KLK10: variants seen among roughly 807,000 people sequenced by gnomAD.
KLK10 encodes the protein kallikrein-10.
Under a neutral mutation model 25.7 loss-of-function variants are expected in KLK10, and 27 were observed. The ratio of observed to expected loss-of-function variants is 1.05; its 90% confidence interval spans 0.77 to 1.45. The LOEUF is 1.45. Ranked by LOEUF, KLK10 falls within the 40% of genes most tolerant of loss-of-function variation. KLK10 has a pLI of 0.00. For synonymous variants in KLK10, 173 were observed against 160.1 expected (o/e 1.08, Z -0.61); for missense variants, 386 against 370.0 (o/e 1.04, Z -0.35).
chr19:51,019,213 C>T lies in KLK10; in HGVS notation c.-9-74G>A. 1 of 1,097,630 alleles carries T rather than the reference C, an allele frequency of 9.1e-7. No homozygotes were observed. Among genetic ancestry groups the T allele is most frequent in the Non-Finnish European group, 1.3e-6 (1 of 770,736 alleles). 68.0% of individuals were successfully genotyped at this position (1,097,630 alleles called of 1,614,324 possible). On this transcript the variant is annotated intron_variant, in intron 1 of 5. Coordinates refer to ENST00000358789, the MANE Select transcript of KLK10 (RefSeq NM_145888.3). This position sits in a 1 kb window ranked among gnomAD's most constrained non-coding sequence, Gnocchi z 4.2. ...ACCCCCACCTCGCCGCGCTCATCCG[C>T]CCAGCCTGGGCCACCCCAGCCCGCA...
chr19:51,015,820 C>G (rs1381332813), intron 4 of KLK10, 62 bp downstream of exon 4: 2 of 1,421,272 alleles, frequency 1.4e-6, no homozygotes, highest in African/African-American at 2.9e-5. Context: ...TCCTCAGACC[C>G]AGGGGTTCAG....
intron 3 of KLK10, 40 bp from the exon 4 acceptor site, chr19:51,016,196 A>C: frequency 6.7e-7 from 1 of 1,499,990 alleles, no homozygotes. Flanking sequence ...AACCCTTCAT[A>C]GGGACTGGGA....
intron 5 of KLK10, 39 bp downstream of exon 5, chr19:51,015,378 C>G: frequency 6.3e-7 from 1 of 1,598,922 alleles, no homozygotes; most frequent in Admixed American, 1.7e-5. Flanking sequence ...CCCTGTCCTC[C>G]CTCCCAGGAG....
rs1453745737 is a variant in KLK10 at position 51,018,205 on chromosome 19, GAGAAAGAAAAAAACA to G, written c.88+823_88+837del. Among the ~76,000 whole-genome samples the G allele has an allele frequency of 1.1e-4, 8 of 70,056 alleles. No individual in the cohort carries two copies. The East Asian group carries it at 2.4e-3, about 21-fold the overall frequency. 46.0% of individuals were successfully genotyped at this position (70,056 alleles called of 152,430 possible). ...AAAAAAAGAAGGAAAGAAAAAGAGAGAGAAAGAAAAAAACAAGAAAGAAAGAAGAAAAAATAAGAG... is the reference window on the plus strand; with the variant it reads ...AAAAAAAGAAGGAAAGAAAAAGAGAGAGAAAGAAAGAAGAAAAAATAAGAG... On this transcript the variant is annotated intron_variant, in intron 2 of 5. Transcript: ENST00000358789.
chr19:51,014,730 C>G lies in KLK10; in HGVS notation c.*70G>C. On this transcript the variant is annotated 3_prime_UTR_variant, in exon 6 of 6. Transcript: ENST00000358789. ...GCCGACTGGGGAGGAAGAGGATGGA[C>G]GATGGAGCCTCTGGGCATCTGGATC... The G allele has an allele frequency of 6.5e-7, 1 of 1,527,146 alleles. No homozygotes were observed. The highest frequency in any genetic ancestry group is 9.0e-7 in the Non-Finnish European group (1 of 1,111,940). 94.6% of individuals were successfully genotyped at this position (1,527,146 alleles called of 1,614,324 possible).
rs375093483 is a variant in KLK10 at position 51,019,053 on chromosome 19, C to A, written c.78G>T (p.Ala26=). 7.5e-6 allele frequency: 12 copies of A among 1,603,642 alleles called. No homozygotes were observed. The African/African-American group carries it at 1.1e-4, about 14-fold the overall frequency. The part of the protein sequence containing the change: ...ALAKLLPLLM[A]QLWAAEAALL... ...TGCCCCCGACCTTACCCCAGAGTTG[C>A]GCCATCAGCAGCGGCAGCAGCTTCG... The change falls in exon 2 of 6, where the codon GCG becomes GCT. Residue 26 remains alanine (A), a synonymous_variant. Coordinates refer to ENST00000358789, the MANE Select transcript of KLK10 (RefSeq NM_145888.3). The surrounding 1 kb of genome is among the most constrained non-coding windows in gnomAD (Gnocchi z 4.2).
At chr19:51,015,309 G>C in intron 5 of KLK10, 108 bp downstream of exon 5, 1 of 1,296,854 alleles carries the variant, frequency 7.7e-7, no homozygotes, top group Non-Finnish European at 1.1e-6. Flanking sequence ...TGGGGTCAAG[G>C]ATGGGTTTGG....
At chr19:51,017,041 T>G (rs2091337479) in intron 3 of KLK10, 69 bp downstream of exon 3, 4 of 1,419,816 alleles carry the variant, frequency 2.8e-6, no homozygotes, top group Non-Finnish European at 3.8e-6. Flanking sequence ...GACCCCGCCC[T>G]GCCCGCTCCT....
chr19:51,016,927 G>T (rs904350746), intron 3 of KLK10, among the ~76,000 whole-genome samples, 183 bp downstream of exon 3: 1 of 152,112 alleles, frequency 6.6e-6, no homozygotes, highest in Non-Finnish European at 1.5e-5. Flanking sequence ...CCAGAAATGC[G>T]GAAAAGGACC....
chr19:51,017,133 C>T lies in KLK10; in HGVS notation c.246G>A (p.Leu82=), dbSNP rs755889288. The change falls in exon 3 of 6, where the codon CTG becomes CTA. Residue 82 remains leucine, a synonymous_variant. Transcript: ENST00000358789. The part of the protein sequence containing the change: ...AGVLVDQSWV[L]TAAHCGNKPL... ...ACTTGTTTCCGCAGTGCGCGGCCGT[C>T]AGCACCCAACTCTGGTCCACCAGGA... is the stretch of plus-strand genomic sequence containing the variant. 1.2e-6 allele frequency: 2 copies of T among 1,609,194 alleles called. No individual in the cohort carries two copies. The highest frequency in any genetic ancestry group is 2.2e-5 in the South Asian group (2 of 90,626).
chr19:51,019,051 T>A lies in KLK10; in HGVS notation c.80A>T (p.Gln27Leu). 1 of 1,603,624 alleles carries A rather than the reference T, an allele frequency of 6.2e-7. No individual in the cohort carries two copies. Among genetic ancestry groups the A allele is most frequent in the South Asian group, 1.1e-5 (1 of 90,646 alleles). ...LAKLLPLLMA[Q>L]LWAAEAALLP... is the part of the protein sequence containing the mutation. ...CCTGCCCCCGACCTTACCCCAGAGT[T>A]GCGCCATCAGCAGCGGCAGCAGCTT... Residue 27 changes from glutamine to leucine, a missense_variant, in exon 2 of 6, where the codon CAA becomes CTA. Transcript: ENST00000358789. The surrounding 1 kb of genome is among the most constrained non-coding windows in gnomAD (Gnocchi z 4.2).
Position 51,014,878 on chromosome 19 carries a change from G to A in KLK10, c.753C>T (p.Gly251=), listed in dbSNP as rs1042321720. ...TGTAGACAGCTGGATGCTGGGCAGA[G>A]CCACAGGGGTAAACACCCCACGAGA... ...GILSWGVYPC[G]SAQHPAVYTQ... is the part of the protein sequence containing the mutation. The change falls in exon 6 of 6, where the codon GGC becomes GGT. Residue 251 remains glycine (G), a synonymous_variant. Coordinates refer to ENST00000358789, the MANE Select transcript of KLK10 (RefSeq NM_145888.3). 3.1e-6 allele frequency: 5 copies of A among 1,614,052 alleles called. No individual in the cohort carries two copies. In the Admixed American group the frequency reaches 6.7e-5, roughly 22 times the overall value.
Position 51,017,228 on chromosome 19 carries a change from G to A in KLK10, c.151C>T (p.Pro51Ser). 6.2e-7 allele frequency: 1 copy of A among 1,612,648 alleles called. No individual in the cohort carries two copies. Among genetic ancestry groups the A allele is most frequent in the African/African-American group, 1.3e-5 (1 of 75,048 alleles). The change falls in exon 3 of 6, where the codon CCG (proline) becomes TCG (serine). Residue 51 changes from proline to serine, a missense_variant. Transcript: ENST00000358789. Reference protein sequence around the residue: ...TRLDPEAYGSPCARGSQPWQV... With the variant: ...TRLDPEAYGSSCARGSQPWQV... ...CAGGGCTGCGAGCCGCGCGCGCACG[G>A]GGAGCCATAGGCTTCGGGGTCCAAG... is the stretch of plus-strand genomic sequence containing the variant.
rs1162503837 is a variant in KLK10 at position 51,018,000 on chromosome 19, C to CAA, written c.89-712_89-711dup. 5.2e-3 allele frequency among the ~76,000 whole-genome samples: 147 copies of CAA among 28,088 alleles called. 10 individuals are homozygous for CAA. The highest frequency in any genetic ancestry group is 7.6e-3 in the Admixed American group (11 of 1,442). 18.4% of individuals were successfully genotyped at this position (28,088 alleles called of 152,430 possible). A position where few individuals can be genotyped will look rare whatever the true frequency, so the allele number is the denominator to read the frequency against. ...TGGGCGACAGAGTGAGACCCTGTCT[C>CAA]AAAAAAAAAAAAAAAAAAAAAAAAA... On this transcript the variant is annotated intron_variant, in intron 2 of 5. Transcript: ENST00000358789.
rs776112662 is a variant in KLK10 at position 51,019,158 on chromosome 19, G to C, written c.-9-19C>G. 5 of 1,572,624 alleles carry C rather than the reference G, an allele frequency of 3.2e-6. No homozygotes were observed. In the South Asian group the frequency reaches 5.7e-5, roughly 18 times the overall value. On this transcript the variant is annotated intron_variant, in intron 1 of 5. Transcript: ENST00000358789. This position sits in a 1 kb window ranked among gnomAD's most constrained non-coding sequence, Gnocchi z 4.2. ...CCAGGATCTGCTGGGGTGTGTGCAG[G>C]GGCGGGTTAAAACAGATGCTCCGTT...
chr19:51,015,557 G>T lies in KLK10; in HGVS notation c.545-7C>A, dbSNP rs1433335526. 6.2e-7 allele frequency: 1 copy of T among 1,612,794 alleles called. No individual in the cohort carries two copies. The highest frequency in any genetic ancestry group is 8.5e-7 in the Non-Finnish European group (1 of 1,179,084). On this transcript the variant is annotated splice_polypyrimidine_tract_variant and splice_region_variant and intron_variant, in intron 4 of 5. Coordinates refer to ENST00000358789, the MANE Select transcript of KLK10 (RefSeq NM_145888.3). ...AGGCCCTTGTTGTACTTCACTGAAG[G>T]GAGAATATGCCAGTAATCCCTGGGT...
At chr19:51,018,000 CAAAAAAAA>C (rs1162503837) in intron 2 of KLK10, among the ~76,000 whole-genome samples, 8 of 28,118 alleles carry the variant, frequency 2.8e-4, no homozygotes, top group African/African-American at 4.7e-4. Flanking sequence ...GACCCTGTCT[CAAAAAAAA>C]AAAAAAAAAA....
In KLK10 at chr19:51,017,265, T is replaced by G. The variant is rs987616566; in HGVS notation, c.114A>C (p.Gln38His). 11 of 1,608,912 alleles carry G rather than the reference T, an allele frequency of 6.8e-6. No homozygotes were observed. The highest frequency in any genetic ancestry group is 5.1e-5 in the Admixed American group (3 of 59,140). ...LWAAEAALLP[Q>H]NDTRLDPEAY... The stretch of plus-strand genomic sequence containing the variant: ...CTTCGGGGTCCAAGCGCGTGTCGTT[T>G]TGGGGGAGCAGCGCCGCCTCTGCGG... The change falls in exon 3 of 6, where the codon CAA becomes CAC. Residue 38 changes from glutamine (Q) to histidine (H), a missense_variant. Gln to His is a conservative substitution (Grantham distance 24). Coordinates refer to ENST00000358789, the MANE Select transcript of KLK10 (RefSeq NM_145888.3).
In KLK10 at chr19:51,015,488, C is replaced by A. The variant is rs758794244; in HGVS notation, c.607G>T (p.Val203Phe). 2 of 1,613,922 alleles carry A rather than the reference C, an allele frequency of 1.2e-6. No homozygotes were observed. The highest frequency in any genetic ancestry group is 2.2e-5 in the South Asian group (2 of 91,080). Residue 203 changes from valine to phenylalanine, a missense_variant, in exon 5 of 6, where the codon GTC becomes TTC. Physicochemically the swap from Val to Phe is conservative, Grantham distance 50. Transcript: ENST00000358789. ...TTGGTGACCACGCCAGGGTAGAAGACCTCACACTCTTTAGGGCTCAGGATA... is the reference window on the plus strand; with the variant it reads ...TTGGTGACCACGCCAGGGTAGAAGAACTCACACTCTTTAGGGCTCAGGATA... ...ITILSPKECE[V>F]FYPGVVTNNM...
Sources: gnomAD v4.1 joint callset for allele counts (sites outside exome capture counted in the v4.1 genomes callset) on GRCh38, gnomAD v4.1.1 for gene constraint, Gnocchi (gnomAD v3.1) non-coding constraint, MANE v1.5 for transcripts, NCBI Gene and HGNC (gene_info 2026-07-23, HGNC 2026-07-21) for gene names.